PLOD3: variants seen among roughly 807,000 people sequenced by gnomAD.
PLOD3 encodes the protein procollagen-lysine,2-oxoglutarate 5-dioxygenase 3, also known as multifunctional procollagen lysine hydroxylase and glycosyltransferase LH3.
A neutral mutation model predicts 96.9 loss-of-function variants in PLOD3; 73 were observed. The ratio of observed to expected loss-of-function variants is 0.75; its 90% CI spans 0.62 to 0.92. The LOEUF (loss-of-function observed/expected upper bound fraction) is 0.92. Among genes scored for constraint, PLOD3 ranks in the 40% least tolerant of loss-of-function variants. The probability of loss-of-function intolerance (pLI) is 0.00; values close to 1 mark genes in which losing one functional copy is unlikely to be tolerated. For missense variants in PLOD3, 1,004 were observed against 1,004.3 expected (o/e 1.00, Z 0.00); for synonymous variants, 454 against 413.7 (o/e 1.10, Z -1.18).
Position 101,206,440 on chromosome 7 carries a change from G to C in PLOD3, c.2062-4C>G, listed in dbSNP as rs772923890. 1 of 1,593,692 alleles carries C rather than the reference G, an allele frequency of 6.3e-7. No homozygotes were observed. Among genetic ancestry groups the C allele is most frequent in the South Asian group, 1.1e-5 (1 of 89,452 alleles). The stretch of plus-strand genomic sequence containing the variant: ...GCAGGAAGCGGCAGCCACCTCCCTG[G>C]AAAGAGAAGGGAAAGGAAACATGGA... On this transcript the variant is annotated splice_region_variant and splice_polypyrimidine_tract_variant and intron_variant, in intron 18 of 18. Transcript: ENST00000223127.
rs1202087178 is a variant in PLOD3 at position 101,208,873 on chromosome 7, A to G, written c.1768T>C (p.Trp590Arg). Residue 590 changes from tryptophan to arginine, a missense_variant, in exon 16 of 19, where the codon TGG (tryptophan) becomes CGG (arginine). By Grantham distance (101) the Trp-to-Arg change is moderately radical. Transcript: ENST00000223127. Reference protein sequence around the residue: ...LVAEMEHYGQWSGGRHEDSRL... With the variant: ...LVAEMEHYGQRSGGRHEDSRL... ...CTTACCTCATGCCGGCCGCCTGACC[A>G]CTGGCCGTAGTGCTCCATCTCTGCC... is the stretch of plus-strand genomic sequence containing the variant. 2 of 1,613,166 alleles carry G rather than the reference A, an allele frequency of 1.2e-6. No individual in the cohort carries two copies. Among genetic ancestry groups the G allele is most frequent in the Admixed American group, 3.3e-5 (2 of 60,010 alleles).
At chr7:101,209,462 C>T (rs1798145613) in intron 15 of PLOD3, among the ~76,000 whole-genome samples, 1 of 151,872 alleles carries the variant, frequency 6.6e-6, no homozygotes, top group African/African-American at 2.4e-5. Flanking sequence ...ACTGCAACCT[C>T]TGCCTCCCAG....
intron 5 of PLOD3, among the ~76,000 whole-genome samples, 198 bp downstream of exon 5, chr7:101,215,710 C>T (rs2116810174): frequency 1.3e-5 from 2 of 152,226 alleles, no homozygotes; most frequent in African/African-American, 4.8e-5. Context: ...CTATGTTGTC[C>T]AGGCTGGTCT....
At chr7:101,212,817 C>T (rs759215722) in intron 8 of PLOD3, 25 bp downstream of exon 8, 1 of 1,586,914 alleles carries the variant, frequency 6.3e-7, no homozygotes, top group East Asian at 2.2e-5. Flanking sequence ...CCCTCTCGTG[C>T]CCCTCCCTGG....
Position 101,217,177 on chromosome 7 carries a change from G to A in PLOD3, c.98C>T (p.Pro33Leu). 6.7e-7 allele frequency: 1 copy of A among 1,488,400 alleles called. No individual in the cohort carries two copies. The highest frequency in any genetic ancestry group is 1.4e-5 in the African/African-American group (1 of 70,760). 92.2% of individuals were successfully genotyped at this position (1,488,400 alleles called of 1,614,324 possible). A position where few individuals can be genotyped will look rare whatever the true frequency, so the allele number is the denominator to read the frequency against. Reference sequence around the variant, plus strand: ...CCCCGGGATCTCACCTGGGTTGACCGGGTCTCGGCCCCGGGGCCGGTCGGA... The same window carrying A: ...CCCCGGGATCTCACCTGGGTTGACCAGGTCTCGGCCCCGGGGCCGGTCGGA... Reference protein sequence around the residue: ...SASDRPRGRDPVNPEKLLVIT... With the variant: ...SASDRPRGRDLVNPEKLLVIT... Residue 33 changes from proline to leucine, a missense_variant, in exon 1 of 19, where the codon CCG becomes CTG. This residue lies in a region of PLOD3 where 690 missense variants were observed against 650.2 expected (regional missense o/e 1.06). Transcript: ENST00000223127.
Position 101,207,604 on chromosome 7 carries a change from T to C in PLOD3, c.1909A>G (p.Ser637Gly). 1.2e-6 allele frequency: 2 copies of C among 1,613,958 alleles called. No individual in the cohort carries two copies. The highest frequency in any genetic ancestry group is 1.7e-6 in the Non-Finnish European group (2 of 1,179,936). ...TTGGTGTGGTAACCGGGAAACAGGC[T>C]CTCGGTCATGGGGCCCACATACGTC... ...LRTYVGPMTE[S>G]LFPGYHTKAR... Residue 637 changes from serine to glycine, a missense_variant, in exon 17 of 19, where the codon AGC becomes GGC. Around this residue, in one of 5 missense-constraint regions of PLOD3, gnomAD observed 222 missense variants for 220.4 expected, o/e 1.01. Coordinates refer to ENST00000223127, the MANE Select transcript of PLOD3 (RefSeq NM_001084.5).
rs768674716 is a variant in PLOD3 at position 101,210,074 on chromosome 7, G to C, written c.1683+19C>G. The C allele has an allele frequency of 1.4e-5, 22 of 1,546,708 alleles. No homozygotes were observed. In the South Asian group the frequency reaches 2.5e-4, roughly 18 times the overall value. On this transcript the variant is annotated intron_variant, in intron 15 of 18. Transcript: ENST00000223127. ...GGCCATGAGGGCAGGGGGTGGGTGG[G>C]GAGGCTGCGTGGGCTCACCTGCTCC... is the stretch of plus-strand genomic sequence containing the variant.
chr7:101,207,490 C>G (rs960620891), intron 17 of PLOD3, 88 bp downstream of exon 17: 9 of 1,389,024 alleles, frequency 6.5e-6, no homozygotes, highest in African/African-American at 2.8e-5. Flanking sequence ...CCAAATGCTG[C>G]CGGGGCCGAA....
chr7:101,212,338 G>C lies in PLOD3; in HGVS notation c.1042C>G (p.Pro348Ala), dbSNP rs1349459565. ...FHEPHIADSW[P>A]QLQDHFSAVK... Reference sequence around the variant, plus strand: ...GCTGAGAAGTGGTCCTGGAGCTGCGGCCAGGAGTCAGCGATGTGGGGTTCA... The same window carrying C: ...GCTGAGAAGTGGTCCTGGAGCTGCGCCCAGGAGTCAGCGATGTGGGGTTCA... The change falls in exon 10 of 19, where the codon CCG (proline) becomes GCG (alanine). Residue 348 changes from proline to alanine, a missense_variant. Around this residue, in one of 5 missense-constraint regions of PLOD3, gnomAD observed 690 missense variants for 650.2 expected, o/e 1.06. Transcript: ENST00000223127. 1.2e-6 allele frequency: 2 copies of C among 1,613,688 alleles called. No individual in the cohort carries two copies. Among genetic ancestry groups the C allele is most frequent in the South Asian group, 2.2e-5 (2 of 91,066 alleles).
Position 101,206,341 on chromosome 7 carries a change from G to C in PLOD3, c.2157C>G (p.His719Gln). The change falls in exon 19 of 19, where the codon CAC becomes CAG. Residue 719 changes from histidine (H) to glutamine (Q), a missense_variant. Transcript: ENST00000223127. ...TGCCCCAGGTCGTTGGCAGCCCCTC[G>C]TGGTAGTGGGTGAGGCGGCCGGGGT... ...LLHPGRLTHY[H>Q]EGLPTTWGTR... is the part of the protein sequence containing the mutation. 1 of 1,613,934 alleles carries C rather than the reference G, an allele frequency of 6.2e-7. No homozygotes were observed. The highest frequency in any genetic ancestry group is 1.1e-5 in the South Asian group (1 of 91,082).
At chr7:101,212,676 G>C (rs1296573159) in intron 8 of PLOD3, 21 bp from the exon 9 acceptor site, 12 of 1,613,208 alleles carry the variant, frequency 7.4e-6, no homozygotes, top group Non-Finnish European at 1.0e-5. Flanking sequence ...CAACACGCAG[G>C]GACTCAGAGA....
At position 101,215,996 on chromosome 7, in the gene PLOD3, A is replaced by G. The variant is rs1384901818; in HGVS notation, c.527T>C (p.Ile176Thr). The G allele has an allele frequency of 6.2e-7, 1 of 1,614,016 alleles. No homozygotes were observed. The highest frequency in any genetic ancestry group is 8.5e-7 in the Non-Finnish European group (1 of 1,179,974). ...SGGFIGFATT[I>T]HQIVRQWKYK... ...CTTCCACTGGCGCACGATTTGGTGG[A>G]TGGTGGTGGCAAAACCGATGAATCC... is the stretch of plus-strand genomic sequence containing the variant. The change falls in exon 5 of 19, where the codon ATC (isoleucine) becomes ACC (threonine). Residue 176 changes from isoleucine (I) to threonine (T), a missense_variant. Coordinates refer to ENST00000223127, the MANE Select transcript of PLOD3 (RefSeq NM_001084.5).
In PLOD3 at chr7:101,217,231, G is replaced by A. The variant is rs1562896819; in HGVS notation, c.44C>T (p.Pro15Leu). ...TGAGGCCGCAGGGGGCAGCAGCAGCGGCAGCAGCAGCAGGAACCGGGGTCC... is the reference window on the plus strand; with the variant it reads ...TGAGGCCGCAGGGGGCAGCAGCAGCAGCAGCAGCAGCAGGAACCGGGGTCC... ...GPGPRFLLLL[P>L]LLLPPAASAS... Residue 15 changes from proline (P) to leucine (L), a missense_variant, in exon 1 of 19, where the codon CCG becomes CTG. Physicochemically the swap from Pro to Leu is moderately conservative, Grantham distance 98 (BLOSUM62 -3). Around this residue, in one of 5 missense-constraint regions of PLOD3, gnomAD observed 690 missense variants for 650.2 expected, o/e 1.06. Coordinates refer to ENST00000223127, the MANE Select transcript of PLOD3 (RefSeq NM_001084.5). 1.5e-5 allele frequency: 23 copies of A among 1,498,860 alleles called. No individual in the cohort carries two copies. The highest frequency in any genetic ancestry group is 3.8e-5 in the South Asian group (3 of 77,976). The allele number at this position is 1,498,860 out of a possible 1,614,324, so 92.8% of individuals were successfully genotyped here.
At position 101,211,657 on chromosome 7, in the gene PLOD3, G is replaced by C; in HGVS notation, c.1292C>G (p.Ala431Gly). The change falls in exon 12 of 19, where the codon GCC (alanine) becomes GGC (glycine). Residue 431 changes from alanine to glycine, a missense_variant. Physicochemically the swap from Ala to Gly is moderately conservative, Grantham distance 60. Around this residue, in one of 5 missense-constraint regions of PLOD3, gnomAD observed 690 missense variants for 650.2 expected, o/e 1.06. Transcript: ENST00000223127. ...HGKLWSNFWGALSPDEYYARS... is the reference protein window; with the variant it reads ...HGKLWSNFWGGLSPDEYYARS... ...GGCGTAGTACTCATCGGGGCTCAGGGCGCCCCAGAAGTTGGACCACAGCTT... is the reference window on the plus strand; with the variant it reads ...GGCGTAGTACTCATCGGGGCTCAGGCCGCCCCAGAAGTTGGACCACAGCTT... 1 of 1,607,352 alleles carries C rather than the reference G, an allele frequency of 6.2e-7. No homozygotes were observed. The highest frequency in any genetic ancestry group is 1.3e-5 in the African/African-American group (1 of 74,998).
rs746263060 is a variant in PLOD3, at chr7:101,212,268, G to A, written c.1112C>T (p.Ala371Val). ...GPEEALSPGE[A>V]RDMAMDLCRQ... ...ACCCGCTCACATGGCCATGTCCCTG[G>A]CCTCGCCTGGGCTCAGAGCCTCCTC... is the stretch of plus-strand genomic sequence containing the variant. The change falls in exon 10 of 19, where the codon GCC becomes GTC. Residue 371 changes from alanine (A) to valine (V), a missense_variant. Transcript: ENST00000223127. 25 of 1,612,964 alleles carry A rather than the reference G, an allele frequency of 1.5e-5. No homozygotes were observed. The highest frequency in any genetic ancestry group is 2.0e-5 in the Non-Finnish European group (24 of 1,179,972).
rs745623784 is a variant in PLOD3, at chr7:101,206,846, C to T, written c.1994G>A (p.Arg665Gln). Residue 665 changes from arginine (R) to glutamine (Q), a missense_variant, in exon 18 of 19, where the codon CGG (arginine) becomes CAG (glutamine). Arg to Gln is a conservative substitution (Grantham distance 43, BLOSUM62 1). This residue lies in a region of PLOD3 where 222 missense variants were observed against 220.4 expected (regional missense o/e 1.01). Coordinates refer to ENST00000223127, the MANE Select transcript of PLOD3 (RefSeq NM_001084.5). ...RYRPDEQPSL[R>Q]PHHDSSTFTL... ...GAAGGTGGATGAGTCGTGGTGTGGC[C>T]GCAGAGACGGCTGCTCGTCTGGCCG... 4.5e-6 allele frequency: 7 copies of T among 1,569,416 alleles called. No individual in the cohort carries two copies. The highest frequency in any genetic ancestry group is 4.1e-5 in the African/African-American group (3 of 74,006).
intron 1 of PLOD3, 92 bp downstream of exon 1, chr7:101,217,074 A>C (rs1584257076): frequency 7.6e-7 from 1 of 1,318,016 alleles, no homozygotes; most frequent in Non-Finnish European, 1.0e-6. Context: ...CGGGCCAGAC[A>C]CCTCCTCGAG....
Position 101,208,849 on chromosome 7 carries a change from T to C in PLOD3, c.1788+4A>G. 1 of 1,598,658 alleles carries C rather than the reference T, an allele frequency of 6.3e-7. No homozygotes were observed. The highest frequency in any genetic ancestry group is 8.6e-7 in the Non-Finnish European group (1 of 1,166,058). On this transcript the variant is annotated splice_donor_region_variant and intron_variant, in intron 16 of 18. Coordinates refer to ENST00000223127, the MANE Select transcript of PLOD3 (RefSeq NM_001084.5). ...GCCTCTGCCCTCCTCGCCCAGGCCC[T>C]TACCTCATGCCGGCCGCCTGACCAC... is the stretch of plus-strand genomic sequence containing the variant.
chr7:101,211,253 C>T lies in PLOD3; in HGVS notation c.1358+338G>A, dbSNP rs144744595. 244 of 269,302 alleles carry T rather than the reference C, an allele frequency of 9.1e-4. 1 individual carries two copies. The highest frequency in any genetic ancestry group is 4.9e-3 in the African/African-American group (222 of 45,270). 16.7% of individuals were successfully genotyped at this position (269,302 alleles called of 1,614,324 possible). ...GGAGTGCAGTGGTGGAAACATGGCT[C>T]ACTGCAGCCTCAACCTCCCAAGTTC... On this transcript the variant is annotated intron_variant, in intron 12 of 18. Transcript: ENST00000223127.
Sources: allele counts gnomAD v4.1 joint callset (sites outside exome capture counted in the v4.1 genomes callset), GRCh38; gene constraint gnomAD v4.1.1; regional missense constraint gnomAD v4.1.1; transcripts MANE v1.5; gene names NCBI Gene and HGNC (gene_info 2026-07-23, HGNC 2026-07-21).